DYDC2: variants seen among roughly 807,000 people sequenced by gnomAD.
DYDC2 encodes DPY30 domain-containing protein 2.
A neutral mutation model predicts 18.7 loss-of-function variants in DYDC2; 19 were observed. The observed-to-expected ratio is 1.02, with a 90% CI of 0.71 to 1.49. The LOEUF (loss-of-function observed/expected upper bound fraction) is 1.49. DYDC2 is among the 40% of genes most tolerant of loss of function. The pLI is 0.00. For missense variants in DYDC2, 179 were observed against 205.1 expected, an observed-to-expected ratio of 0.87 and a Z score of 0.78; for synonymous variants, 63 against 67.6, an observed-to-expected ratio of 0.93 and a Z score of 0.34.
intron 2 of DYDC2, among the ~76,000 whole-genome samples, chr10:80,359,614 C>A (rs1034813936): frequency 3.3e-5 from 5 of 152,170 alleles, no homozygotes; most frequent in Admixed American, 1.3e-4. Context: ...TCGGGCATGG[C>A]GGGCTGCATG....
chr10:80,366,743 CA>C lies in DYDC2; in HGVS notation c.329del (p.Asn110ThrfsTer8). On this transcript the variant is annotated frameshift_variant, in exon 5 of 5. Coordinates refer to ENST00000256039, the MANE Select transcript of DYDC2 (RefSeq NM_032372.6). LOFTEE classifies it high-confidence loss of function. ...TKKTIFMQED[T>X]NPLEKEALKQ... is the part of the protein sequence containing the mutation. ...AAGACCATATTCATGCAGGAGGACACAAACCCCCTTGAGAAGGAGGCCTTGA... is the reference window on the plus strand; with the variant it reads ...AAGACCATATTCATGCAGGAGGACACAACCCCCTTGAGAAGGAGGCCTTGA... 1 of 1,614,056 alleles carries C rather than the reference CA, an allele frequency of 6.2e-7. No individual in the cohort carries two copies. Among genetic ancestry groups the C allele is most frequent in the East Asian group, 2.2e-5 (1 of 44,880 alleles).
intron 4 of DYDC2, among the ~76,000 whole-genome samples, chr10:80,366,021 T>C (rs760417088): frequency 3.3e-4 from 47 of 141,174 alleles, no homozygotes; most frequent in African/African-American, 1.2e-3. Context: ...GGGACCTTTT[T>C]CTTTCTCTTT....
At chr10:80,346,045 C>T (rs1235825279) in intron 1 of DYDC2, among the ~76,000 whole-genome samples, 3 of 152,044 alleles carry the variant, frequency 2.0e-5, no homozygotes, top group African/African-American at 7.2e-5. Context: ...ATGAGGTCTC[C>T]CTATGTTGCC....
intron 4 of DYDC2, 43 bp downstream of exon 4, chr10:80,363,116 G>A (rs1207612695): frequency 1.3e-6 from 2 of 1,580,964 alleles, no homozygotes; most frequent in Non-Finnish European, 1.7e-6. Context: ...ACACATCCCA[G>A]TGATGGACTC....
intron 1 of DYDC2, among the ~76,000 whole-genome samples, 166 bp from the exon 2 acceptor site, chr10:80,357,727 T>C (rs1843475976): frequency 6.6e-6 from 1 of 152,120 alleles, no homozygotes; most frequent in South Asian, 2.1e-4. Context: ...TGCTAGCCTT[T>C]CCTGTGCTCT....
rs1428958828 is a variant in DYDC2 at position 80,367,539 on chromosome 10, A to C, written c.*588A>C. ...GAGTGCTAGAAGCAAGGAGCCAGCA[A>C]GTCTGGACACATTACAAAGGCCACA... On this transcript the variant is annotated 3_prime_UTR_variant, in exon 5 of 5. Coordinates refer to ENST00000256039, the MANE Select transcript of DYDC2 (RefSeq NM_032372.6). The C allele has an allele frequency of 6.6e-6, 1 of 152,364 alleles. No homozygotes were observed. The highest frequency in any genetic ancestry group is 1.5e-5 in the Non-Finnish European group (1 of 68,174). The allele number at this position is 152,364 out of a possible 1,614,324, so 9.4% of individuals were successfully genotyped here. A position where few individuals can be genotyped will look rare whatever the true frequency, so the allele number is the denominator to read the frequency against.
At chr10:80,347,512 A>G (rs1842741401) in intron 1 of DYDC2, among the ~76,000 whole-genome samples, 1 of 152,154 alleles carries the variant, frequency 6.6e-6, no homozygotes, top group Non-Finnish European at 1.5e-5. Flanking sequence ...TCATACCCAA[A>G]AAATTATTGC....
upstream of DYDC2, among the ~76,000 whole-genome samples, chr10:80,354,136 A>T (rs371078843): frequency 1.3e-5 from 2 of 148,948 alleles, no homozygotes; most frequent in South Asian, 4.2e-4. Flanking sequence ...AAAAATATAT[A>T]TATATATATT....
At chr10:80,359,858 C>T (rs966808161) in intron 2 of DYDC2, among the ~76,000 whole-genome samples, 5 of 152,136 alleles carry the variant, frequency 3.3e-5, no homozygotes, top group Admixed American at 6.5e-5. Context: ...CCCCATTTCC[C>T]GCCCGCGCCT....
chr10:80,346,484 G>A (rs1182676253), intron 1 of DYDC2, among the ~76,000 whole-genome samples: 4 of 78,104 alleles, frequency 5.1e-5, no homozygotes, highest in Non-Finnish European at 8.6e-5. Context: ...TTTTTGAGAC[G>A]GAGTCTCACT....
chr10:80,358,543 A>G (rs537747725), intron 2 of DYDC2, among the ~76,000 whole-genome samples: 1 of 152,310 alleles, frequency 6.6e-6, no homozygotes, highest in South Asian at 2.1e-4. Context: ...AGGGGGAGGT[A>G]TGCCAATACG....
At chr10:80,360,194 C>T (rs1843623294) in intron 2 of DYDC2, among the ~76,000 whole-genome samples, 1 of 152,204 alleles carries the variant, frequency 6.6e-6, no homozygotes, top group South Asian at 2.1e-4. Context: ...CATCACTACC[C>T]CACTCAATTT....
At chr10:80,357,675 C>T (rs1843471546) in intron 1 of DYDC2, among the ~76,000 whole-genome samples, 1 of 152,136 alleles carries the variant, frequency 6.6e-6, no homozygotes, top group Non-Finnish European at 1.5e-5. Flanking sequence ...TCCACCAGGC[C>T]CAAACCCTTG....
At chr10:80,350,498 A>G (rs748147184) in intron 1 of DYDC2, among the ~76,000 whole-genome samples, 7 of 152,144 alleles carry the variant, frequency 4.6e-5, no homozygotes, top group Non-Finnish European at 8.8e-5. Context: ...TTGACACCCA[A>G]CTCAACACTT....
chr10:80,359,628 G>C (rs543926981), intron 2 of DYDC2, among the ~76,000 whole-genome samples: 1 of 152,144 alleles, frequency 6.6e-6, no homozygotes, highest in Non-Finnish European at 1.5e-5. Flanking sequence ...CTGCATGTCC[G>C]GAGCCCCGTG....
chr10:80,363,276 A>G (rs1432572305), intron 4 of DYDC2, among the ~76,000 whole-genome samples: 1 of 151,988 alleles, frequency 6.6e-6, no homozygotes, highest in Non-Finnish European at 1.5e-5. Context: ...AGATGTTAAA[A>G]GACAAATTTG....
In DYDC2 at chr10:80,356,878, A is replaced by G. The variant is rs1043496260; in HGVS notation, c.-163+53A>G. 4 of 983,360 alleles carry G rather than the reference A, an allele frequency of 4.1e-6. No homozygotes were observed. In the African/African-American group the frequency reaches 7.1e-5, roughly 17 times the overall value. 60.9% of individuals were successfully genotyped at this position (983,360 alleles called of 1,614,324 possible). ...GAAGGGGGAACGCGCAGCAGAGAGG[A>G]GAGGGCGTGCAGGAGTAGGAGCAGG... On this transcript the variant is annotated intron_variant, in intron 1 of 4. Transcript: ENST00000256039.
At chr10:80,353,469 T>C (rs1324999001), upstream of DYDC2, among the ~76,000 whole-genome samples, 2 of 150,372 alleles carry the variant, frequency 1.3e-5, no homozygotes, top group African/African-American at 4.9e-5. Flanking sequence ...GCCGACCAGA[T>C]TGTTTTTAAA....
rs150838500 is a variant in DYDC2 at position 80,362,896 on chromosome 10, G to A, written c.148-55G>A. The A allele has an allele frequency of 4.8e-5, 76 of 1,584,188 alleles. 1 individual carries two copies. Among genetic ancestry groups the A allele is most frequent in the East Asian group, 4.0e-4 (18 of 44,742 alleles). On this transcript the variant is annotated intron_variant, in intron 3 of 4. Coordinates refer to ENST00000256039, the MANE Select transcript of DYDC2 (RefSeq NM_032372.6). ...TATCAGTCCCCAGTGAGGGGGCCCCGTTTATAAGGCTTCCCTGGTTGCTGA... is the reference window on the plus strand; with the variant it reads ...TATCAGTCCCCAGTGAGGGGGCCCCATTTATAAGGCTTCCCTGGTTGCTGA...
Sources: gnomAD v4.1 joint callset for allele counts (sites outside exome capture counted in the v4.1 genomes callset) on GRCh38, gnomAD v4.1.1 for gene constraint, MANE v1.5 for transcripts, NCBI Gene and HGNC (gene_info 2026-07-23, HGNC 2026-07-21) for gene names.